Variants in RSRC1 observed in about 807,000 individuals in gnomAD.
RSRC1 encodes the protein serine/Arginine-related protein 53.
In RSRC1, 39 loss-of-function variants were observed where a neutral mutation model predicts 49.1. The ratio of observed to expected loss-of-function variants is 0.79; its 90% CI spans 0.61 to 1.04. The LOEUF (loss-of-function observed/expected upper bound fraction) is 1.04, where lower values mean the gene tolerates loss of function less well. Among genes scored for constraint, RSRC1 ranks in the 50% least tolerant of loss-of-function variants. The pLI is 0.00. For synonymous variants in RSRC1, 143 were observed against 130.8 expected (o/e 1.09, Z -0.63); for missense variants, 388 against 402.4 (o/e 0.96, Z 0.31).
At chr3:158,256,383 A>T (rs185967366) in intron 4 of RSRC1, among the ~76,000 whole-genome samples, 1 of 152,126 alleles carries the variant, frequency 6.6e-6, no homozygotes, top group Non-Finnish European at 1.5e-5. Context: ...CGTATGTTGA[A>T]CTAGCCTTGC....
chr3:158,236,224 G>T (rs1001998110), intron 4 of RSRC1, among the ~76,000 whole-genome samples: 3 of 152,058 alleles, frequency 2.0e-5, no homozygotes, highest in Non-Finnish European at 2.9e-5. Context: ...ATTAATTGTA[G>T]TAATAGTTCA....
At chr3:158,498,259 T>G (rs1264976618) in intron 7 of RSRC1, among the ~76,000 whole-genome samples, 1 of 151,996 alleles carries the variant, frequency 6.6e-6, no homozygotes, top group Non-Finnish European at 1.5e-5. Context: ...TGGCCGTTCT[T>G]GCAGGAGTAA....
chr3:158,348,214 C>G (rs1347852488), intron 5 of RSRC1, among the ~76,000 whole-genome samples: 1 of 152,156 alleles, frequency 6.6e-6, no homozygotes, highest in Non-Finnish European at 1.5e-5. Context: ...TTAACTTCAT[C>G]AACTTTCAGA....
At chr3:158,261,986 C>T (rs1448235373) in intron 4 of RSRC1, among the ~76,000 whole-genome samples, 1 of 152,206 alleles carries the variant, frequency 6.6e-6, no homozygotes, top group Non-Finnish European at 1.5e-5. Context: ...GCCCTCTGCA[C>T]CACCCCTACC....
intron 7 of RSRC1, among the ~76,000 whole-genome samples, chr3:158,470,097 G>A (rs969135037): frequency 1.3e-5 from 2 of 151,824 alleles, no homozygotes; most frequent in Non-Finnish European, 2.9e-5. Context: ...CTAAATTACT[G>A]ATTACATGCT....
intron 5 of RSRC1, among the ~76,000 whole-genome samples, chr3:158,327,472 C>A (rs1398265962): frequency 6.6e-6 from 1 of 152,176 alleles, no homozygotes; most frequent in Non-Finnish European, 1.5e-5. Context: ...TTTATTTCTG[C>A]CTTCATTTCA....
rs564524372 is a variant in RSRC1 at position 158,250,432 on chromosome 3, A to G, written c.494+47187A>G. On this transcript the variant is annotated intron_variant, in intron 4 of 9. Coordinates refer to ENST00000611884, the MANE Select transcript of RSRC1 (RefSeq NM_001271838.2). ...GTTGTACTAATTTACACTTTCACCAACAGTGTACAAGGCTACCCTTTTCTT... is the reference window on the plus strand; with the variant it reads ...GTTGTACTAATTTACACTTTCACCAGCAGTGTACAAGGCTACCCTTTTCTT... Among the ~76,000 whole-genome samples, 31 of 152,298 alleles carry G rather than the reference A, an allele frequency of 2.0e-4. No individual in the cohort carries two copies. In the South Asian group the frequency reaches 6.4e-3, roughly 32 times the overall value.
At chr3:158,513,485 A>T (rs1192630518) in intron 7 of RSRC1, among the ~76,000 whole-genome samples, 2 of 152,126 alleles carry the variant, frequency 1.3e-5, no homozygotes, top group African/African-American at 4.8e-5. Context: ...CATGGTGGAT[A>T]AGCTTTTTGA....
intron 4 of RSRC1, among the ~76,000 whole-genome samples, chr3:158,268,745 A>G (rs1725345609): frequency 6.6e-6 from 1 of 152,174 alleles, no homozygotes; most frequent in African/African-American, 2.4e-5. Context: ...CTTCACTATT[A>G]GTCTTAATTT....
At chr3:158,325,844 A>C (rs1433425895) in intron 5 of RSRC1, among the ~76,000 whole-genome samples, 1 of 152,138 alleles carries the variant, frequency 6.6e-6, no homozygotes, top group Non-Finnish European at 1.5e-5. Context: ...CACAATATTG[A>C]TTCTTCCTAT....
rs1033006823 is a variant in RSRC1 at position 158,275,910 on chromosome 3, G to A, written c.495-22129G>A. 45 of 697,454 alleles carry A rather than the reference G, an allele frequency of 6.5e-5. No homozygotes were observed. In the Middle Eastern group the frequency reaches 1.5e-3, roughly 24 times the overall value. The allele number at this position is 697,454 out of a possible 1,614,324, so 43.2% of individuals were successfully genotyped here. The stretch of plus-strand genomic sequence containing the variant: ...AACTTATGGCCCTTTCAAAGGCCAC[G>A]GCTCTTTTGGCCTGCAGATGTGAGC... On this transcript the variant is annotated intron_variant, in intron 4 of 9. Transcript: ENST00000611884.
chr3:158,516,433 T>C (rs1740539636), intron 7 of RSRC1, among the ~76,000 whole-genome samples: 1 of 152,162 alleles, frequency 6.6e-6, no homozygotes, highest in South Asian at 2.1e-4. Context: ...AGGGACCCAC[T>C]TGAGGAGGCA....
intron 7 of RSRC1, among the ~76,000 whole-genome samples, chr3:158,479,964 T>C (rs1338381283): frequency 1.3e-5 from 2 of 152,084 alleles, no homozygotes; most frequent in African/African-American, 4.8e-5. Context: ...GAAAATGTTT[T>C]CCTTAGCAAA....
At chr3:158,452,806 G>A (rs1275388358) in intron 6 of RSRC1, among the ~76,000 whole-genome samples, 1 of 152,058 alleles carries the variant, frequency 6.6e-6, no homozygotes, top group Non-Finnish European at 1.5e-5. Flanking sequence ...ATGGAATATT[G>A]GAGTTCATGT....
At chr3:158,372,102 T>G (rs1425957439) in intron 6 of RSRC1, among the ~76,000 whole-genome samples, 1 of 151,408 alleles carries the variant, frequency 6.6e-6, no homozygotes, top group Admixed American at 6.6e-5. Context: ...TTTGCAAGTA[T>G]TTTTCACAGT....
chr3:158,513,423 G>A (rs1004131131), intron 7 of RSRC1, among the ~76,000 whole-genome samples: 4 of 152,278 alleles, frequency 2.6e-5, no homozygotes, highest in South Asian at 4.1e-4. Flanking sequence ...TATATTTATT[G>A]ATTTGTATAT....
intron 5 of RSRC1, among the ~76,000 whole-genome samples, 197 bp from the exon 6 acceptor site, chr3:158,354,659 GA>G (rs916721282): frequency 1.7e-4 from 26 of 149,768 alleles, no homozygotes; most frequent in South Asian, 2.1e-4. Context: ...CTTTTTCTAG[GA>G]AAAAAAAATG....
intron 4 of RSRC1, among the ~76,000 whole-genome samples, chr3:158,280,097 C>G (rs1226407577): frequency 6.6e-6 from 1 of 152,136 alleles, no homozygotes; most frequent in Non-Finnish European, 1.5e-5. Context: ...CTTTCATTAA[C>G]TCTTTATTCA....
chr3:158,460,534 G>A (rs1737555512), intron 6 of RSRC1, among the ~76,000 whole-genome samples: 1 of 151,830 alleles, frequency 6.6e-6, no homozygotes, highest in East Asian at 1.9e-4. Flanking sequence ...CTGTTCCATA[G>A]GTATTGCAAG....
Sources: allele counts gnomAD v4.1 joint callset (sites outside exome capture counted in the v4.1 genomes callset), GRCh38; gene constraint gnomAD v4.1.1; transcripts MANE v1.5; gene names NCBI Gene and HGNC (gene_info 2026-07-23, HGNC 2026-07-21).